KIAA1671: variants seen among roughly 807,000 people sequenced by gnomAD.
The protein encoded by KIAA1671 is KIAA1671.
A neutral mutation model predicts 131.2 loss-of-function variants in KIAA1671; 52 were observed. The ratio of observed to expected loss-of-function variants is 0.40; its 90% confidence interval spans 0.32 to 0.50. The LOEUF (loss-of-function observed/expected upper bound fraction) is 0.50. KIAA1671 is among the 20% of genes least tolerant of loss of function. The pLI, the probability that KIAA1671 is intolerant of heterozygous loss-of-function variation, is 0.73. For missense variants in KIAA1671, 2,360 were observed against 2,364.2 expected, an observed-to-expected ratio of 1.00 and a Z score of 0.04; for synonymous variants, 1,003 against 961.6, an observed-to-expected ratio of 1.04 and a Z score of -0.80.
Position 25,039,311 on chromosome 22 carries a change from G to C in KIAA1671, c.2181G>C (p.Gln727His). The change falls in exon 5 of 13, where the codon CAG (glutamine) becomes CAC (histidine). Residue 727 changes from glutamine (Q) to histidine (H), a missense_variant. Around this residue, in one of 3 missense-constraint regions of KIAA1671, gnomAD observed 1,185 missense variants for 1,126.2 expected, o/e 1.05. Coordinates refer to ENST00000358431, the MANE Select transcript of KIAA1671 (RefSeq NM_001145206.2). ...LKHLENPPTS[Q>H]RIEPRYDIVH... ...ACTTGGAAAATCCTCCCACATCGCA[G>C]AGAATTGAGCCCAGATATGACATTG... 6.4e-7 allele frequency: 1 copy of C among 1,552,130 alleles called. No individual in the cohort carries two copies. Among genetic ancestry groups the C allele is most frequent in the Non-Finnish European group, 8.7e-7 (1 of 1,147,086 alleles).
rs1275644853 is a variant in KIAA1671 at position 24,994,561 on chromosome 22, C to G, written c.-207-31072C>G. 4.6e-5 allele frequency among the ~76,000 whole-genome samples: 7 copies of G among 152,142 alleles called. No individual in the cohort carries two copies. The East Asian group carries it at 1.2e-3, about 25-fold the overall frequency. On this transcript the variant is annotated intron_variant, in intron 1 of 12. Transcript: ENST00000358431. ...GTTTGGTATGACAGAGTAGGCTCTT[C>G]CCAGGCACCCTGTGGTGCCTGGGGT... is the stretch of plus-strand genomic sequence containing the variant.
At chr22:25,071,856 G>A (rs1224274667) in intron 6 of KIAA1671, among the ~76,000 whole-genome samples, 3 of 152,166 alleles carry the variant, frequency 2.0e-5, no homozygotes, top group East Asian at 1.9e-4. Flanking sequence ...GGAGCAAGAC[G>A]GCATGGTCCC....
chr22:25,025,473 G>A (rs920301645), intron 1 of KIAA1671, among the ~76,000 whole-genome samples, 160 bp from the exon 2 acceptor site: 10 of 152,202 alleles, frequency 6.6e-5, no homozygotes, highest in African/African-American at 2.4e-4. Context: ...TTATGCACAC[G>A]TACATATAAG....
At chr22:25,065,279 C>T (rs1446426806) in intron 6 of KIAA1671, 2 of 152,208 alleles carry the variant, frequency 1.3e-5, no homozygotes, top group Non-Finnish European at 2.9e-5. Context: ...AAAGCAGGGC[C>T]TGGCATACAG....
chr22:25,179,688 T>G, intron 9 of KIAA1671: 1 of 608,122 alleles, frequency 1.6e-6, no homozygotes, highest in Non-Finnish European at 2.9e-6. Context: ...TGAAGGTTAG[T>G]ATATTAATTG....
intron 6 of KIAA1671, among the ~76,000 whole-genome samples, chr22:25,147,758 T>C (rs1932911273): frequency 6.6e-6 from 1 of 152,168 alleles, no homozygotes; most frequent in Non-Finnish European, 1.5e-5. Context: ...TGTGATCTGC[T>C]CTGTTCTGTG....
chr22:25,001,371 C>CT (rs1924473512), intron 1 of KIAA1671, among the ~76,000 whole-genome samples: 1 of 152,190 alleles, frequency 6.6e-6, no homozygotes, highest in African/African-American at 2.4e-5. Context: ...CAGAAATTTT[C>CT]TTTAAGATCA....
At chr22:25,050,399 G>A (rs955374691) in intron 6 of KIAA1671, 1 of 152,234 alleles carries the variant, frequency 6.6e-6, no homozygotes, top group Admixed American at 6.5e-5. Context: ...TCGAAGACAG[G>A]GCTCCTAAGG....
Position 25,027,981 on chromosome 22 carries a change from T to C in KIAA1671, c.-19T>C, listed in dbSNP as rs1926042651. ...CCATTCTTGAAGTTCCTAACCCCCA[T>C]GAATCCACAACCATAACCATGGCCA... On this transcript the variant is annotated 5_prime_UTR_variant, in exon 3 of 13. It removes an upstream start codon present in the reference 5' UTR. Transcript: ENST00000358431. 5.5e-6 allele frequency: 8 copies of C among 1,451,336 alleles called. No individual in the cohort carries two copies. In the South Asian group the frequency reaches 1.2e-4, roughly 21 times the overall value. The allele number at this position is 1,451,336 out of a possible 1,614,324, so 89.9% of individuals were successfully genotyped here.
At chr22:25,084,284 G>C (rs1379537463) in intron 6 of KIAA1671, among the ~76,000 whole-genome samples, 2 of 152,020 alleles carry the variant, frequency 1.3e-5, no homozygotes, top group Non-Finnish European at 2.9e-5. Flanking sequence ...GAAACCACCT[G>C]GCCAACATGG....
intron 6 of KIAA1671, among the ~76,000 whole-genome samples, chr22:25,140,859 C>T (rs1932797285): frequency 6.6e-6 from 1 of 152,186 alleles, no homozygotes; most frequent in Admixed American, 6.5e-5. Flanking sequence ...TGGTCACTGT[C>T]ATCATGAATG....
At chr22:24,981,197 C>T (rs903879413) in intron 1 of KIAA1671, among the ~76,000 whole-genome samples, 13 of 151,944 alleles carry the variant, frequency 8.6e-5, no homozygotes, top group African/African-American at 2.4e-4. Context: ...GCTGAGGTGC[C>T]GGGCAGGGGC....
At position 25,181,707 on chromosome 22, in the gene KIAA1671, T is replaced by C. The variant is rs377644927; in HGVS notation, c.5083T>C (p.Ser1695Pro). The change falls in exon 10 of 13, where the codon TCA (serine) becomes CCA (proline). Residue 1695 changes from serine to proline, a missense_variant. By Grantham distance (74) the Ser-to-Pro change is moderately conservative. This residue lies in a region of KIAA1671 where 1,161 missense variants were observed against 1,204.7 expected (regional missense o/e 0.96). Coordinates refer to ENST00000358431, the MANE Select transcript of KIAA1671 (RefSeq NM_001145206.2). ...WMFKDSTEEK[S>P]PRKEESDEEE... is the part of the protein sequence containing the mutation. ...CCTTTTCTTTGCAACAGAGGAGAAATCACCCAGGAAGGAGGAGTCGGATGA... is the reference window on the plus strand; with the variant it reads ...CCTTTTCTTTGCAACAGAGGAGAAACCACCCAGGAAGGAGGAGTCGGATGA... 1.2e-4 allele frequency: 187 copies of C among 1,551,282 alleles called. No individual in the cohort carries two copies. Among genetic ancestry groups the C allele is most frequent in the Non-Finnish European group, 1.5e-4 (175 of 1,146,918 alleles).
Position 25,163,478 on chromosome 22 carries a change from G to A in KIAA1671, c.4531-7342G>A, listed in dbSNP as rs1272818943. On this transcript the variant is annotated intron_variant, in intron 6 of 12. Transcript: ENST00000358431. Reference sequence around the variant, plus strand: ...TTTTTTTGAGATGGAGTCTCACACTGTCACCCAGGCTGGAGTGCAGTGGTG... The same window carrying A: ...TTTTTTTGAGATGGAGTCTCACACTATCACCCAGGCTGGAGTGCAGTGGTG... Among the ~76,000 whole-genome samples, 4 of 117,040 alleles carry A rather than the reference G, an allele frequency of 3.4e-5. No homozygotes were observed. In the Admixed American group the frequency reaches 4.4e-4, roughly 13 times the overall value. The allele number at this position is 117,040 out of a possible 152,430, so 76.8% of individuals were successfully genotyped here. A position where few individuals can be genotyped will look rare whatever the true frequency, so the allele number is the denominator to read the frequency against.
chr22:25,035,752 G>A (rs1926554902), intron 4 of KIAA1671, among the ~76,000 whole-genome samples: 1 of 152,160 alleles, frequency 6.6e-6, no homozygotes. Flanking sequence ...GGGGGGATGG[G>A]TTGGGCAAGT....
intron 6 of KIAA1671, among the ~76,000 whole-genome samples, chr22:25,142,758 A>G (rs898181908): frequency 1.3e-5 from 2 of 152,192 alleles, no homozygotes; most frequent in African/African-American, 4.8e-5. Context: ...TGTAGTCGCT[A>G]CTTGGGAGGC....
intron 6 of KIAA1671, among the ~76,000 whole-genome samples, chr22:25,100,803 G>A (rs1036666611): frequency 6.6e-6 from 1 of 152,168 alleles, no homozygotes; most frequent in African/African-American, 2.4e-5. Flanking sequence ...TATAGTACCT[G>A]GTTCATAGTA....
intron 6 of KIAA1671, chr22:25,112,603 C>T (rs546216867): frequency 2.6e-6 from 1 of 391,320 alleles, no homozygotes; most frequent in Non-Finnish European, 4.5e-6. Flanking sequence ...CCAGGCACTT[C>T]CTGTCCCCTG....
chr22:25,061,314 G>A (rs575862049), intron 6 of KIAA1671: 3 of 152,084 alleles, frequency 2.0e-5, no homozygotes, highest in Non-Finnish European at 4.4e-5. Flanking sequence ...TTCAAGCCTG[G>A]GTTCTGTGCC....
Sources: allele counts gnomAD v4.1 joint callset (sites outside exome capture counted in the v4.1 genomes callset), GRCh38; gene constraint gnomAD v4.1.1; regional missense constraint gnomAD v4.1.1; transcripts MANE v1.5; gene names NCBI Gene and HGNC (gene_info 2026-07-23, HGNC 2026-07-21).